The following RNU7-1 variants were observed in gnomAD, a reference collection of about 807,000 sequenced individuals.
RNU7-1 encodes RNA, U7 small nuclear 1, also known as RNA, small nuclear U7.
chr12:6,943,818 G>A (rs764764350), exon 1 of RNU7-1: 46 of 850,012 alleles, frequency 5.4e-5, no homozygotes, highest in Middle Eastern at 3.9e-4. Flanking sequence ...ATACGCAGCA[G>A]TGTTACAGCT....
chr12:6,943,858 G>GTT lies in RNU7-1; in HGVS notation n.43_44insTT, dbSNP rs782704261. 4.6e-5 allele frequency: 43 copies of GTT among 940,576 alleles called. No homozygotes were observed. In the East Asian group the frequency reaches 7.1e-4, roughly 15 times the overall value. The allele number at this position is 940,576 out of a possible 1,614,324, so 58.3% of individuals were successfully genotyped here. Reference sequence around the variant, plus strand: ...TAGAATTTGTCTAGTAGGCTTTCTGGCTTTTTACCGGAAAGCCCCTCTTAT... The same window carrying GTT: ...TAGAATTTGTCTAGTAGGCTTTCTGGTTCTTTTTACCGGAAAGCCCCTCTTAT... On this transcript the variant is annotated non_coding_transcript_exon_variant, in exon 1 of 1. Coordinates refer to ENST00000458811, the Ensembl canonical transcript of RNU7-1.
chr12:6,943,859 C>A (rs7965269), exon 1 of RNU7-1: 1 of 939,032 alleles, frequency 1.1e-6, no homozygotes, highest in Non-Finnish European at 1.5e-6. Flanking sequence ...GGCTTTCTGG[C>A]TTTTTACCGG....
exon 1 of RNU7-1, chr12:6,943,840 T>A: frequency 4.5e-6 from 4 of 879,680 alleles, no homozygotes; most frequent in Non-Finnish European, 6.4e-6. Context: ...TTTTAGAATT[T>A]GTCTAGTAGG....
exon 1 of RNU7-1, chr12:6,943,819 T>G (rs781784492): frequency 1.3e-4 from 113 of 848,868 alleles, no homozygotes; most frequent in Middle Eastern, 3.9e-4. Flanking sequence ...TACGCAGCAG[T>G]GTTACAGCTC....
chr12:6,943,858 G>GT lies in RNU7-1; in HGVS notation n.43_44insT, dbSNP rs782704261. 1,628 of 940,560 alleles carry GT rather than the reference G, an allele frequency of 1.7e-3. 24 individuals are homozygous for GT. In the East Asian group the frequency reaches 0.019, roughly 11 times the overall value. The allele number at this position is 940,560 out of a possible 1,614,324, so 58.3% of individuals were successfully genotyped here. A position where few individuals can be genotyped will look rare whatever the true frequency, so the allele number is the denominator to read the frequency against. On this transcript the variant is annotated non_coding_transcript_exon_variant, in exon 1 of 1. Coordinates refer to ENST00000458811, the Ensembl canonical transcript of RNU7-1. ...TAGAATTTGTCTAGTAGGCTTTCTG[G>GT]CTTTTTACCGGAAAGCCCCTCTTAT... is the stretch of plus-strand genomic sequence containing the variant.
rs7965269 is a variant in RNU7-1, at chr12:6,943,859, C to G, written n.44C>G. ...AGAATTTGTCTAGTAGGCTTTCTGG[C>G]TTTTTACCGGAAAGCCCCTCTTATG... On this transcript the variant is annotated non_coding_transcript_exon_variant, in exon 1 of 1. Coordinates refer to ENST00000458811, the Ensembl canonical transcript of RNU7-1. 3.4e-4 allele frequency: 321 copies of G among 939,086 alleles called. No individual in the cohort carries two copies. Among genetic ancestry groups the G allele is most frequent in the South Asian group, 1.0e-3 (57 of 57,056 alleles). 58.2% of individuals were successfully genotyped at this position (939,086 alleles called of 1,614,324 possible). A position where few individuals can be genotyped will look rare whatever the true frequency, so the allele number is the denominator to read the frequency against.
exon 1 of RNU7-1, chr12:6,943,836 A>G (rs1015862210): frequency 1.6e-5 from 14 of 876,568 alleles, no homozygotes; most frequent in South Asian, 3.6e-5. Flanking sequence ...GCTCTTTTAG[A>G]ATTTGTCTAG....
chr12:6,943,870 A>T (rs916709242), exon 1 of RNU7-1: 17 of 956,374 alleles, frequency 1.8e-5, no homozygotes, highest in Non-Finnish European at 2.2e-5. Context: ...TTTTTACCGG[A>T]AAGCCCCTCT....
rs998478110 is a variant in RNU7-1 at position 6,943,878 on chromosome 12, T to C, written n.63T>C. 6 of 996,656 alleles carry C rather than the reference T, an allele frequency of 6.0e-6. No homozygotes were observed. In the African/African-American group the frequency reaches 9.9e-5, roughly 17 times the overall value. The allele number at this position is 996,656 out of a possible 1,614,324, so 61.7% of individuals were successfully genotyped here. On this transcript the variant is annotated non_coding_transcript_exon_variant, in exon 1 of 1. Transcript: ENST00000458811. ...TTCTGGCTTTTTACCGGAAAGCCCC[T>C]CTTATGATGTTTGTTGCCAATGATA...
At chr12:6,943,822 T>C (rs782352036) in exon 1 of RNU7-1, 16 of 859,962 alleles carry the variant, frequency 1.9e-5, no homozygotes, top group South Asian at 3.6e-5. Flanking sequence ...GCAGCAGTGT[T>C]ACAGCTCTTT....
In RNU7-1 at chr12:6,943,875, C is replaced by T. The variant is rs115355876; in HGVS notation, n.60C>T. 5,636 of 974,422 alleles carry T rather than the reference C, an allele frequency of 5.8e-3. 31 individuals carry two copies. Among genetic ancestry groups the T allele is most frequent in the African/African-American group, 0.018 (1,052 of 59,956 alleles). 60.4% of individuals were successfully genotyped at this position (974,422 alleles called of 1,614,324 possible). On this transcript the variant is annotated non_coding_transcript_exon_variant, in exon 1 of 1. Transcript: ENST00000458811. ...GCTTTCTGGCTTTTTACCGGAAAGC[C>T]CCTCTTATGATGTTTGTTGCCAATG... is the stretch of plus-strand genomic sequence containing the variant.
At chr12:6,943,823 A>T in exon 1 of RNU7-1, 2 of 853,920 alleles carry the variant, frequency 2.3e-6, no homozygotes, top group Non-Finnish European at 3.3e-6. Flanking sequence ...CAGCAGTGTT[A>T]CAGCTCTTTT....
In RNU7-1 at chr12:6,943,820, G is replaced by A. The variant is rs894101172; in HGVS notation, n.5G>A. The A allele has an allele frequency of 9.4e-5, 81 of 857,788 alleles. No individual in the cohort carries two copies. The highest frequency in any genetic ancestry group is 1.2e-4 in the Non-Finnish European group (74 of 609,324). The allele number at this position is 857,788 out of a possible 1,614,324, so 53.1% of individuals were successfully genotyped here. A position where few individuals can be genotyped will look rare whatever the true frequency, so the allele number is the denominator to read the frequency against. On this transcript the variant is annotated non_coding_transcript_exon_variant, in exon 1 of 1. Transcript: ENST00000458811. ...TCTCTCCAAACACATACGCAGCAGT[G>A]TTACAGCTCTTTTAGAATTTGTCTA...
chr12:6,943,871 A>AT (rs1483924077), exon 1 of RNU7-1: 2 of 955,264 alleles, frequency 2.1e-6, no homozygotes, highest in African/African-American at 1.7e-5. Context: ...TTTTACCGGA[A>AT]AGCCCCTCTT....
At chr12:6,943,864 TACCGGA>T in exon 1 of RNU7-1, 1 of 937,258 alleles carries the variant, frequency 1.1e-6, no homozygotes, top group Non-Finnish European at 1.5e-6. Flanking sequence ...TCTGGCTTTT[TACCGGA>T]AAGCCCCTCT....
chr12:6,943,857 G>T (rs782253023), exon 1 of RNU7-1: 43 of 937,922 alleles, frequency 4.6e-5, no homozygotes, highest in Middle Eastern at 6.9e-4. Context: ...TAGGCTTTCT[G>T]GCTTTTTACC....
Position 6,943,873 on chromosome 12 carries a change from G to C in RNU7-1, n.58G>C, listed in dbSNP as rs745850647. ...AGGCTTTCTGGCTTTTTACCGGAAA[G>C]CCCCTCTTATGATGTTTGTTGCCAA... On this transcript the variant is annotated non_coding_transcript_exon_variant, in exon 1 of 1. Coordinates refer to ENST00000458811, the Ensembl canonical transcript of RNU7-1. 3.1e-6 allele frequency: 3 copies of C among 965,960 alleles called. No individual in the cohort carries two copies. The highest frequency in any genetic ancestry group is 3.1e-5 in the Admixed American group (1 of 32,718). The allele number at this position is 965,960 out of a possible 1,614,324, so 59.8% of individuals were successfully genotyped here. A position where few individuals can be genotyped will look rare whatever the true frequency, so the allele number is the denominator to read the frequency against.
chr12:6,943,837 A>C (rs965213031), exon 1 of RNU7-1: 1 of 872,950 alleles, frequency 1.1e-6, no homozygotes, highest in Non-Finnish European at 1.6e-6. Flanking sequence ...CTCTTTTAGA[A>C]TTTGTCTAGT....
exon 1 of RNU7-1, chr12:6,943,839 T>A: frequency 1.1e-6 from 1 of 873,996 alleles, no homozygotes; most frequent in Non-Finnish European, 1.6e-6. Context: ...CTTTTAGAAT[T>A]TGTCTAGTAG....
Sources: gnomAD v4.1 joint callset for allele counts on GRCh38, gnomAD v4.1.1 for gene constraint, MANE v1.5 for transcripts, NCBI Gene and HGNC (gene_info 2026-07-23, HGNC 2026-07-21) for gene names.